LTBP2: variants seen among roughly 807,000 people sequenced by gnomAD.
LTBP2 encodes latent transforming growth factor beta binding protein 2, also known as latent-transforming growth factor beta-binding protein 2.
LTBP2 carries 103 observed loss-of-function variants against 210.6 expected under a neutral mutation model. The ratio of observed to expected loss-of-function variants is 0.49; its 90% CI spans 0.42 to 0.58. The LOEUF is 0.58. Among genes scored for constraint, LTBP2 ranks in the 20% least tolerant of loss-of-function variants. LTBP2 has a pLI of 0.00. For missense variants in LTBP2, 2,313 were observed against 2,494.5 expected (o/e 0.93, Z 1.55); for synonymous variants, 1,007 against 1,015.0 (o/e 0.99, Z 0.15).
intron 9 of LTBP2, 94 bp from the exon 10 acceptor site, chr14:74,532,642 TAAA>T: frequency 7.0e-7 from 1 of 1,432,080 alleles, no homozygotes; most frequent in African/African-American, 1.4e-5. Context: ...TCTCTCCAGA[TAAA>T]ACAACAACAA....
rs59313477 is a variant in LTBP2, at chr14:74,604,164, C to CAAAAAAAAAAAAAAAAAAAAAAAA, written c.495-460_495-459insTTTTTTTTTTTTTTTTTTTTTTTT. ...GCTCCAACTCTACATTGCCTCTCAC[C>CAAAAAAAAAAAAAAAAAAAAAAAA]AAAAAAAAAAAAAAAAAAAACCACA... On this transcript the variant is annotated intron_variant, in intron 1 of 35. Coordinates refer to ENST00000261978, the MANE Select transcript of LTBP2 (RefSeq NM_000428.3). Among the ~76,000 whole-genome samples, 50 of 72,710 alleles carry CAAAAAAAAAAAAAAAAAAAAAAAA rather than the reference C, an allele frequency of 6.9e-4. 5 individuals are homozygous for CAAAAAAAAAAAAAAAAAAAAAAAA. The highest frequency in any genetic ancestry group is 3.0e-3 in the African/African-American group (40 of 13,418). 47.7% of individuals were successfully genotyped at this position (72,710 alleles called of 152,430 possible). A position where few individuals can be genotyped will look rare whatever the true frequency, so the allele number is the denominator to read the frequency against.
At chr14:74,595,817 C>T (rs927329487) in intron 2 of LTBP2, among the ~76,000 whole-genome samples, 2 of 152,206 alleles carry the variant, frequency 1.3e-5, no homozygotes, top group African/African-American at 2.4e-5. Context: ...TTCAAACGCA[C>T]GATTTGCCAG....
intron 13 of LTBP2, 116 bp downstream of exon 13, chr14:74,527,231 T>TACTC: frequency 7.7e-7 from 1 of 1,294,228 alleles, no homozygotes; most frequent in Non-Finnish European, 1.1e-6. Context: ...ATCTAACAGA[T>TACTC]ACTCCATCTT....
chr14:74,504,624 T>C (rs969577081), intron 30 of LTBP2, among the ~76,000 whole-genome samples, 154 bp downstream of exon 30: 2 of 152,178 alleles, frequency 1.3e-5, no homozygotes, highest in Non-Finnish European at 2.9e-5. Flanking sequence ...AACTTCCAGC[T>C]AACACTCTGC....
Position 74,585,889 on chromosome 14 carries a change from T to A in LTBP2, c.795A>T (p.Pro265=). ...GCGACTGTGGTGCGGGCGGCGACTG[T>A]GGTGCTGGCGGCTGTGCTCTGGCCA... is the stretch of plus-strand genomic sequence containing the variant. ...GTLARAQPPA[P]QSPPAPQSPP... The change falls in exon 3 of 36, where the codon CCA becomes CCT. Residue 265 remains proline, a synonymous_variant. Transcript: ENST00000261978. 6.2e-7 allele frequency: 1 copy of A among 1,613,994 alleles called. No homozygotes were observed. The highest frequency in any genetic ancestry group is 8.5e-7 in the Non-Finnish European group (1 of 1,179,932).
At chr14:74,583,360 G>A (rs2088162676) in intron 3 of LTBP2, among the ~76,000 whole-genome samples, 1 of 152,248 alleles carries the variant, frequency 6.6e-6, no homozygotes, top group Non-Finnish European at 1.5e-5. Flanking sequence ...AAGGTCACAG[G>A]AAATGTCTGA....
intron 19 of LTBP2, 66 bp downstream of exon 19, chr14:74,511,179 G>A: frequency 1.2e-6 from 2 of 1,610,084 alleles, no homozygotes; most frequent in Non-Finnish European, 1.7e-6. Context: ...CCCTTTCCGT[G>A]TGTGGGCTCA....
At chr14:74,574,032 G>A (rs2088021432) in intron 3 of LTBP2, among the ~76,000 whole-genome samples, 2 of 152,132 alleles carry the variant, frequency 1.3e-5, no homozygotes, top group Admixed American at 6.5e-5. Context: ...AAATTAGGTG[G>A]TGCCTGTAAA....
chr14:74,540,878 A>ATATATATATTATATATATTTATATAT lies in LTBP2; in HGVS notation c.1790-4879_1790-4878insATATATAAATATATATAATATATATA, dbSNP rs2087496949. Among the ~76,000 whole-genome samples the ATATATATATTATATATATTTATATAT allele has an allele frequency of 8.1e-5, 8 of 98,274 alleles. No homozygotes were observed. The South Asian group carries it at 1.7e-3, about 20-fold the overall frequency. 64.5% of individuals were successfully genotyped at this position (98,274 alleles called of 152,430 possible). Reference sequence around the variant, plus strand: ...TATATTATATATATTTATATATATAATATATATATTATATATTAAAAATAT... The same window carrying ATATATATATTATATATATTTATATAT: ...TATATTATATATATTTATATATATAATATATATATTATATATATTTATATATTATATATATTATATATTAAAAATAT... On this transcript the variant is annotated intron_variant, in intron 8 of 35. Coordinates refer to ENST00000261978, the MANE Select transcript of LTBP2 (RefSeq NM_000428.3).
At chr14:74,539,833 A>T (rs1214722321) in intron 8 of LTBP2, among the ~76,000 whole-genome samples, 2 of 152,230 alleles carry the variant, frequency 1.3e-5, no homozygotes, top group Non-Finnish European at 2.9e-5. Flanking sequence ...CACCTGCAGA[A>T]AACTGTGAGA....
At chr14:74,540,807 ATAAT>A (rs1184128902) in intron 8 of LTBP2, among the ~76,000 whole-genome samples, 3 of 6,924 alleles carry the variant, frequency 4.3e-4, no homozygotes, top group African/African-American at 5.1e-4. Context: ...ATATATATAT[ATAAT>A]ATATATATAT....
intron 3 of LTBP2, among the ~76,000 whole-genome samples, chr14:74,581,613 A>C (rs992764064): frequency 1.3e-5 from 2 of 152,180 alleles, no homozygotes; most frequent in African/African-American, 4.8e-5. Context: ...TCCGTCTTAC[A>C]ATTGCAAGGG....
chr14:74,611,334 T>C (rs930734954), intron 1 of LTBP2, 117 bp downstream of exon 1: 1 of 1,230,178 alleles, frequency 8.1e-7, no homozygotes, highest in Non-Finnish European at 1.1e-6. Context: ...CCCGAAGTAC[T>C]AAAGACAGAG....
At chr14:74,547,754 G>A (rs563181783) in intron 8 of LTBP2, among the ~76,000 whole-genome samples, 1 of 152,226 alleles carries the variant, frequency 6.6e-6, no homozygotes, top group African/African-American at 2.4e-5. Flanking sequence ...AGCAGGTACT[G>A]CATGCCCCTC....
At chr14:74,507,342 A>G in intron 25 of LTBP2, 32 bp from the exon 26 acceptor site, 2 of 1,613,480 alleles carry the variant, frequency 1.2e-6, no homozygotes, top group East Asian at 2.2e-5. Context: ...GAGAGAGGAC[A>G]GAGGTGGCCA....
chr14:74,515,738 A>G (rs2087126201), intron 18 of LTBP2, among the ~76,000 whole-genome samples: 2 of 152,172 alleles, frequency 1.3e-5, no homozygotes, highest in African/African-American at 4.8e-5. Context: ...GGTGGGTGCC[A>G]TCATTCTCCA....
intron 2 of LTBP2, among the ~76,000 whole-genome samples, chr14:74,599,459 C>T (rs1201670138): frequency 1.3e-5 from 2 of 152,242 alleles, no homozygotes; most frequent in African/African-American, 4.8e-5. Flanking sequence ...AATGGACAGT[C>T]TTCCAAAAGC....
intron 1 of LTBP2, among the ~76,000 whole-genome samples, chr14:74,604,164 C>CAAACAA (rs1273987376): frequency 5.8e-4 from 42 of 72,746 alleles, no homozygotes; most frequent in African/African-American, 3.1e-3. Flanking sequence ...TGCCTCTCAC[C>CAAACAA]AAAAAAAAAA....
At chr14:74,608,316 T>C (rs907332446) in intron 1 of LTBP2, among the ~76,000 whole-genome samples, 9 of 152,222 alleles carry the variant, frequency 5.9e-5, no homozygotes, top group Non-Finnish European at 1.3e-4. Flanking sequence ...AATCCTGTTA[T>C]TTTAACAGAA....
Sources: allele counts gnomAD v4.1 joint callset (sites outside exome capture counted in the v4.1 genomes callset), GRCh38; gene constraint gnomAD v4.1.1; transcripts MANE v1.5; gene names NCBI Gene and HGNC (gene_info 2026-07-23, HGNC 2026-07-21).